The following CXCL13 variants were observed in gnomAD, a reference collection of about 807,000 sequenced individuals.
The protein encoded by CXCL13 is C-X-C motif chemokine ligand 13, also known as C-X-C motif chemokine 13.
Under a neutral mutation model 12.2 loss-of-function variants are expected in CXCL13, and 7 were observed. The ratio of observed to expected loss-of-function variants is 0.57; its 90% confidence interval spans 0.33 to 1.07. The LOEUF (loss-of-function observed/expected upper bound fraction) is 1.07. CXCL13 is among the 50% of genes least tolerant of loss of function. The pLI is 0.04. For synonymous variants in CXCL13, 47 were observed against 42.4 expected (o/e 1.11, Z -0.42); for missense variants, 113 against 127.4 (o/e 0.89, Z 0.55).
At position 77,605,823 on chromosome 4, in the gene CXCL13, G is replaced by C; in HGVS notation, c.-43G>C. The C allele has an allele frequency of 7.1e-7, 1 of 1,407,992 alleles. No homozygotes were observed. The highest frequency in any genetic ancestry group is 1.3e-5 in the South Asian group (1 of 74,350). 87.2% of individuals were successfully genotyped at this position (1,407,992 alleles called of 1,614,324 possible). ...GAGTCTCTGGTACTGCAAACCCACAGCCTGGACTCAGAGCTCAAGTCTGAA... is the reference window on the plus strand; with the variant it reads ...GAGTCTCTGGTACTGCAAACCCACACCCTGGACTCAGAGCTCAAGTCTGAA... On this transcript the variant is annotated 5_prime_UTR_variant, in exon 1 of 4. Coordinates refer to ENST00000682537, the MANE Select transcript of CXCL13 (RefSeq NM_001371558.1).
At chr4:77,592,715 G>A (rs1726644182) in intron 1 of CXCL13, among the ~76,000 whole-genome samples, 2 of 152,196 alleles carry the variant, frequency 1.3e-5, no homozygotes, top group Admixed American at 1.3e-4. Context: ...AAGGAACCAT[G>A]CCAAGATCAT....
intron 1 of CXCL13, among the ~76,000 whole-genome samples, chr4:77,591,931 C>A (rs1240589409): frequency 6.6e-6 from 1 of 152,170 alleles, no homozygotes; most frequent in Non-Finnish European, 1.5e-5. Flanking sequence ...CTCTGAGCTC[C>A]AAATGTTCTT....
At chr4:77,601,831 G>A (rs1408541836), upstream of CXCL13, among the ~76,000 whole-genome samples, 1 of 152,188 alleles carries the variant, frequency 6.6e-6, no homozygotes, top group Non-Finnish European at 1.5e-5. Context: ...TGATACTGGT[G>A]GCCTGGGGAA....
In CXCL13 at chr4:77,610,942, G is replaced by C. The variant is rs556012368; in HGVS notation, c.279-46G>C. On this transcript the variant is annotated intron_variant, in intron 3 of 3. Transcript: ENST00000682537. Reference sequence around the variant, plus strand: ...CTCCAGAGGAAAGCCACAGTTTCTTGTGTTTCTCTAAACATGACAATTTTG... The same window carrying C: ...CTCCAGAGGAAAGCCACAGTTTCTTCTGTTTCTCTAAACATGACAATTTTG... 3.0e-5 allele frequency: 46 copies of C among 1,532,802 alleles called. No homozygotes were observed. In the Admixed American group the frequency reaches 5.6e-4, roughly 19 times the overall value. The allele number at this position is 1,532,802 out of a possible 1,614,324, so 95.0% of individuals were successfully genotyped here.
At chr4:77,590,773 C>A (rs140382157) in intron 1 of CXCL13, among the ~76,000 whole-genome samples, 2 of 152,140 alleles carry the variant, frequency 1.3e-5, no homozygotes, top group African/African-American at 4.8e-5. Context: ...TGCTCCAGGC[C>A]CCAGTACAGG....
At chr4:77,582,188 T>G (rs1465267257) in intron 1 of CXCL13, among the ~76,000 whole-genome samples, 1 of 151,362 alleles carries the variant, frequency 6.6e-6, no homozygotes, top group Non-Finnish European at 1.5e-5. Context: ...CCCTCAAGGA[T>G]GAATACCCCC....
chr4:77,575,707 A>G lies in CXCL13; in HGVS notation c.-42-30117A>G, dbSNP rs1056043212. ...TTCCCAGAATCAAACTTCAGTTTCAAAATTAGCTTTACTGACACCTAGCTT... is the reference window on the plus strand; with the variant it reads ...TTCCCAGAATCAAACTTCAGTTTCAGAATTAGCTTTACTGACACCTAGCTT... On this transcript the variant is annotated intron_variant, in intron 1 of 4. Coordinates refer to the CXCL13 transcript ENST00000286758. Among the ~76,000 whole-genome samples, 3 of 151,816 alleles carry G rather than the reference A, an allele frequency of 2.0e-5. 1 individual carries two copies. The highest frequency in any genetic ancestry group is 4.9e-5 in the African/African-American group (2 of 41,116).
intron 1 of CXCL13, among the ~76,000 whole-genome samples, chr4:77,569,423 G>A (rs1474859947): frequency 1.3e-5 from 2 of 152,096 alleles, no homozygotes; most frequent in Admixed American, 6.5e-5. Flanking sequence ...AAAGACACAG[G>A]TTACCAAATC....
intron 1 of CXCL13, among the ~76,000 whole-genome samples, chr4:77,542,931 G>A (rs1488772458): frequency 6.6e-6 from 1 of 152,074 alleles, no homozygotes; most frequent in Non-Finnish European, 1.5e-5. Context: ...AGTTTCAGTG[G>A]GATTGGTAGC....
At chr4:77,530,384 C>T (rs1204727399) in intron 1 of CXCL13, among the ~76,000 whole-genome samples, 7 of 152,094 alleles carry the variant, frequency 4.6e-5, no homozygotes, top group African/African-American at 1.7e-4. Context: ...TGGTAGAACT[C>T]GGCTGTGAAT....
At chr4:77,549,330 G>A (rs1471968850) in intron 1 of CXCL13, among the ~76,000 whole-genome samples, 2 of 152,186 alleles carry the variant, frequency 1.3e-5, no homozygotes, top group African/African-American at 4.8e-5. Flanking sequence ...CTGAAGCCTA[G>A]TTCTGTCAAC....
chr4:77,567,855 AC>A (rs929149328), intron 1 of CXCL13, among the ~76,000 whole-genome samples: 11 of 151,928 alleles, frequency 7.2e-5, no homozygotes, highest in Non-Finnish European at 1.3e-4. Context: ...ATGAAAATCC[AC>A]CCCTTGTTTA....
At chr4:77,544,775 CT>C (rs1196673475) in intron 1 of CXCL13, among the ~76,000 whole-genome samples, 1 of 152,148 alleles carries the variant, frequency 6.6e-6, no homozygotes, top group African/African-American at 2.4e-5. Context: ...TCAATTTTGG[CT>C]TTTGTTGCCA....
At chr4:77,606,583 G>T (rs552790020) in intron 1 of CXCL13, among the ~76,000 whole-genome samples, 88 of 152,296 alleles carry the variant, frequency 5.8e-4, no homozygotes, top group Admixed American at 1.5e-3. Context: ...GAGGAGCTTT[G>T]TCCCCCAGTT....
intron 1 of CXCL13, among the ~76,000 whole-genome samples, chr4:77,513,746 C>A (rs1260640259): frequency 6.6e-6 from 1 of 152,122 alleles, no homozygotes; most frequent in African/African-American, 2.4e-5. Context: ...GCCACCACAC[C>A]TGGCCTGTTT....
At chr4:77,605,006 G>GT (rs1487715003), upstream of CXCL13, among the ~76,000 whole-genome samples, 1 of 152,176 alleles carries the variant, frequency 6.6e-6, no homozygotes, top group Non-Finnish European at 1.5e-5. Flanking sequence ...CCATGGACTA[G>GT]TTGGTGGGAT....
chr4:77,523,310 A>T (rs754004968), intron 1 of CXCL13, among the ~76,000 whole-genome samples: 1 of 152,200 alleles, frequency 6.6e-6, no homozygotes, highest in Non-Finnish European at 1.5e-5. Context: ...GTGTTTTCCA[A>T]CTTGGTTCCA....
At chr4:77,606,777 C>T (rs1727011951) in intron 1 of CXCL13, among the ~76,000 whole-genome samples, 1 of 152,192 alleles carries the variant, frequency 6.6e-6, no homozygotes, top group South Asian at 2.1e-4. Flanking sequence ...GCTTGTTTCC[C>T]CTACTAACTT....
chr4:77,571,924 A>G (rs1468284206), intron 1 of CXCL13, among the ~76,000 whole-genome samples: 1 of 151,632 alleles, frequency 6.6e-6, no homozygotes, highest in Non-Finnish European at 1.5e-5. Context: ...ACAACTCCAG[A>G]TGTGCTGCCT....
Sources: allele counts gnomAD v4.1 joint callset (sites outside exome capture counted in the v4.1 genomes callset), GRCh38; gene constraint gnomAD v4.1.1; transcripts MANE v1.5; gene names NCBI Gene and HGNC (gene_info 2026-07-23, HGNC 2026-07-21).